ATP11C: variants seen among roughly 807,000 people sequenced by gnomAD.
ATP11C encodes the protein ATPase phospholipid transporting 11C (ATP11C blood group), also known as phospholipid-transporting ATPase IG.
In ATP11C, 36 loss-of-function variants were observed where a neutral mutation model predicts 97.4. The ratio of observed to expected loss-of-function variants is 0.37; its 90% confidence interval spans 0.28 to 0.49. The LOEUF (loss-of-function observed/expected upper bound fraction) is 0.49. ATP11C is among the 20% of genes least tolerant of loss of function. The probability of loss-of-function intolerance (pLI) is 0.98; values close to 1 mark genes in which losing one functional copy is unlikely to be tolerated. For missense variants in ATP11C, 730 were observed against 824.6 expected (o/e 0.89, Z 1.40); for synonymous variants, 275 against 290.9 (o/e 0.95, Z 0.56).
chrX:139,816,822 C>T (rs1272119754), intron 4 of ATP11C, 41 bp downstream of exon 4: 1 of 954,202 alleles, frequency 1.0e-6, no homozygotes, highest in African/African-American at 1.9e-5. Context: ...TCCAACAAGC[C>T]TGGACTGAAA....
Position 139,774,773 on chromosome X carries a change from T to C in ATP11C, c.2133A>G (p.Lys711=). The C allele has an allele frequency of 8.3e-7, 1 of 1,211,792 alleles. No individual in the cohort carries two copies. The part of the protein sequence containing the change: ...TTKTIEESER[K]EDRLHELLIE... ...TCAATAATTCATGTAATCGATCTTC[T>C]TTCCTTTCACTTTCTTCAATGGTTT... Residue 711 remains lysine, a synonymous_variant, in exon 19 of 30, where the codon AAA becomes AAG. Coordinates refer to ENST00000682941, the MANE Select transcript of ATP11C (RefSeq NM_001353812.2).
chrX:139,841,588 T>A (rs753988630), intron 1 of ATP11C, among the ~76,000 whole-genome samples: 1 of 112,107 alleles, frequency 8.9e-6, no homozygotes, highest in Admixed American at 9.4e-5. Flanking sequence ...TCTCCTTTCA[T>A]TGATGTTCAA....
At chrX:139,902,263 A>C (rs909190714) in intron 1 of ATP11C, among the ~76,000 whole-genome samples, 1 of 111,095 alleles carries the variant, frequency 9.0e-6, no homozygotes, top group Non-Finnish European at 1.9e-5. Flanking sequence ...GGTCTCCCTA[A>C]AATGTGTAAA....
chrX:139,865,367 A>C (rs1403115509), intron 1 of ATP11C, among the ~76,000 whole-genome samples: 2 of 112,007 alleles, frequency 1.8e-5, no homozygotes, highest in Non-Finnish European at 1.9e-5. Context: ...AAAAAAAGAA[A>C]AACAGGATGT....
chrX:139,931,955 C>T, intron 1 of ATP11C, 61 bp downstream of exon 1: 3 of 1,118,457 alleles, frequency 2.7e-6, no homozygotes, highest in African/African-American at 3.7e-5. Context: ...GTGAGGGACC[C>T]GGCGAAGGGG....
rs1189428611 is a variant in ATP11C, at chrX:139,770,259, C to T, written c.2217-1825G>A. Among the ~76,000 whole-genome samples the T allele has an allele frequency of 3.6e-5, 4 of 111,977 alleles. No homozygotes were observed. The East Asian group carries it at 1.1e-3, about 31-fold the overall frequency. On this transcript the variant is annotated intron_variant, in intron 19 of 29. Transcript: ENST00000682941. ...ATAGAAGCATACATGAGAGAACTAC[C>T]TAACCAAACAAGATAATCAATGGTT...
intron 26 of ATP11C, among the ~76,000 whole-genome samples, chrX:139,741,795 A>C (rs964536833): frequency 5.4e-5 from 6 of 111,720 alleles, no homozygotes; most frequent in Non-Finnish European, 9.4e-5. Flanking sequence ...ATGTGATCTA[A>C]AAACAAAAGT....
At chrX:139,885,058 C>G (rs942684777) in intron 1 of ATP11C, among the ~76,000 whole-genome samples, 1 of 110,850 alleles carries the variant, frequency 9.0e-6, no homozygotes, top group African/African-American at 3.3e-5. Flanking sequence ...TATCTAAAAG[C>G]CCAGATTTTA....
chrX:139,740,824 A>T (rs754014333), intron 27 of ATP11C, among the ~76,000 whole-genome samples, 167 bp downstream of exon 27: 1 of 111,780 alleles, frequency 8.9e-6, no homozygotes, highest in East Asian at 2.8e-4. Context: ...ACCTGAAATT[A>T]GTAGCACTAC....
At chrX:139,831,500 T>C (rs758138142) in intron 1 of ATP11C, among the ~76,000 whole-genome samples, 3 of 111,443 alleles carry the variant, frequency 2.7e-5, no homozygotes, top group Non-Finnish European at 5.6e-5. Flanking sequence ...TTTCATTATC[T>C]CAAAGTGATC....
At chrX:139,739,370 G>A (rs987047393) in intron 27 of ATP11C, among the ~76,000 whole-genome samples, 1 of 108,838 alleles carries the variant, frequency 9.2e-6, no homozygotes, top group Admixed American at 9.9e-5. Context: ...ATTTCTGGAT[G>A]TGGTTTGGGG....
rs767980200 is a variant in ATP11C at position 139,763,918 on chromosome X, T to C, written c.2392-500A>G. Among the ~76,000 whole-genome samples, 6 of 111,924 alleles carry C rather than the reference T, an allele frequency of 5.4e-5. No individual in the cohort carries two copies. In the East Asian group the frequency reaches 8.4e-4, roughly 16 times the overall value. On this transcript the variant is annotated intron_variant, in intron 20 of 29. Coordinates refer to ENST00000682941, the MANE Select transcript of ATP11C (RefSeq NM_001353812.2). The stretch of plus-strand genomic sequence containing the variant: ...CCTAGTTCTATGCATATATGAACTA[T>C]CAAAAACTTTGCCTCTCATGCATAT...
intron 1 of ATP11C, among the ~76,000 whole-genome samples, chrX:139,829,877 C>T (rs1402174372): frequency 1.8e-5 from 2 of 111,061 alleles, no homozygotes; most frequent in East Asian, 2.8e-4. Context: ...GTAATTTATA[C>T]CCCAAAATGG....
At chrX:139,920,828 T>C (rs764274882) in intron 1 of ATP11C, among the ~76,000 whole-genome samples, 9 of 111,588 alleles carry the variant, frequency 8.1e-5, no homozygotes, top group Non-Finnish European at 1.3e-4. Flanking sequence ...GGAAGACAGA[T>C]AGGAGAGGGC....
At chrX:139,769,403 A>C (rs2148688993) in intron 19 of ATP11C, among the ~76,000 whole-genome samples, 1 of 97,646 alleles carries the variant, frequency 1.0e-5, no homozygotes, top group Non-Finnish European at 2.0e-5. Context: ...GGTGGCTTTA[A>C]AAATTGCCCA....
chrX:139,914,747 A>G (rs752453780), intron 1 of ATP11C, among the ~76,000 whole-genome samples: 8 of 111,272 alleles, frequency 7.2e-5, no homozygotes, highest in Admixed American at 2.9e-4. Context: ...TGAGTCTTGA[A>G]CCTACCAGTC....
At position 139,932,154 on chromosome X, in the gene ATP11C, C is replaced by A. The variant is rs1240533222; in HGVS notation, c.-112G>T. The A allele has an allele frequency of 1.3e-4, 89 of 686,577 alleles. 1 individual carries two copies. The highest frequency in any genetic ancestry group is 1.6e-4 in the Non-Finnish European group (88 of 541,394). 56.6% of individuals were successfully genotyped at this position (686,577 alleles called of 1,213,427 possible). A position where few individuals can be genotyped will look rare whatever the true frequency, so the allele number is the denominator to read the frequency against. The stretch of plus-strand genomic sequence containing the variant: ...GGCGGCGCCAAGCGGAGCAGCGAGG[C>A]GGGCGGCCGGGCCACCCGCTCGCCG... On this transcript the variant is annotated 5_prime_UTR_variant, in exon 1 of 30. Coordinates refer to ENST00000682941, the MANE Select transcript of ATP11C (RefSeq NM_001353812.2).
intron 18 of ATP11C, among the ~76,000 whole-genome samples, chrX:139,777,803 T>C (rs758065069): frequency 9.1e-6 from 1 of 109,320 alleles, no homozygotes; most frequent in African/African-American, 3.3e-5. Context: ...TGAAATCCCA[T>C]CAGACTAATA....
intron 1 of ATP11C, among the ~76,000 whole-genome samples, chrX:139,870,847 G>A (rs904273942): frequency 1.8e-5 from 2 of 111,071 alleles, no homozygotes; most frequent in Non-Finnish European, 3.8e-5. Flanking sequence ...ATGAGGTCAG[G>A]AGATCGAGAC....
Sources: gnomAD v4.1 joint callset for allele counts (sites outside exome capture counted in the v4.1 genomes callset) on GRCh38, gnomAD v4.1.1 for gene constraint, MANE v1.5 for transcripts, NCBI Gene and HGNC (gene_info 2026-07-23, HGNC 2026-07-21) for gene names.